The following TAFA2 variants were observed in gnomAD, a reference collection of about 807,000 sequenced individuals.
TAFA2 encodes TAFA chemokine like family member 2.
In TAFA2, 7 loss-of-function variants were observed where a neutral mutation model predicts 18.8. That is an observed-to-expected ratio of 0.37 (90% confidence interval 0.21 to 0.70). The LOEUF is 0.70. Among genes scored for constraint, TAFA2 ranks in the 30% least tolerant of loss-of-function variants. The pLI is 0.53. For synonymous variants in TAFA2, 60 were observed against 54.2 expected (o/e 1.11, Z -0.47); for missense variants, 122 against 158.1 (o/e 0.77, Z 1.23).
chr12:61,766,783 T>A lies in TAFA2; in HGVS notation c.107-11759A>T, dbSNP rs577167738. On this transcript the variant is annotated intron_variant, in intron 2 of 4. Transcript: ENST00000416284. ...GAAATAAAAACAGTAAATTTAACAT[T>A]TTTTTTCCAGTCCAGGCTTAGATAA... 5.9e-5 allele frequency among the ~76,000 whole-genome samples: 9 copies of A among 152,036 alleles called. No individual in the cohort carries two copies. In the East Asian group the frequency reaches 1.7e-3, roughly 30 times the overall value.
intron 1 of TAFA2, among the ~76,000 whole-genome samples, chr12:62,238,635 C>T (rs1312216357): frequency 6.6e-6 from 1 of 152,142 alleles, no homozygotes; most frequent in African/African-American, 2.4e-5. Context: ...TAATTGAAAC[C>T]TTCAATTTAT....
At chr12:61,718,195 C>A (rs372455400) in intron 4 of TAFA2, among the ~76,000 whole-genome samples, 6 of 152,228 alleles carry the variant, frequency 3.9e-5, no homozygotes, top group African/African-American at 1.4e-4. Flanking sequence ...GATGGACCTG[C>A]GCTGTTTCTT....
intron 1 of TAFA2, among the ~76,000 whole-genome samples, chr12:62,183,870 CG>C (rs2062567370): frequency 6.6e-6 from 1 of 152,074 alleles, no homozygotes; most frequent in South Asian, 2.1e-4. Flanking sequence ...CCTAGTTGAT[CG>C]AACTAATTTT....
At chr12:62,228,074 TAC>T (rs1339588271) in intron 1 of TAFA2, among the ~76,000 whole-genome samples, 1 of 152,190 alleles carries the variant, frequency 6.6e-6, no homozygotes, top group Non-Finnish European at 1.5e-5. Flanking sequence ...CGTGTGTACA[TAC>T]ACACACACTT....
intron 1 of TAFA2, among the ~76,000 whole-genome samples, chr12:62,102,904 T>C (rs1401773211): frequency 3.9e-5 from 6 of 152,212 alleles, no homozygotes; most frequent in Admixed American, 6.5e-5. Flanking sequence ...TTTGTATCTG[T>C]CTTATCAGCA....
At chr12:62,175,882 ATT>A (rs10531650) in intron 1 of TAFA2, among the ~76,000 whole-genome samples, 137,783 of 150,898 alleles carry the variant, frequency 0.91, 62,942 homozygotes, top group Middle Eastern at 0.95. Flanking sequence ...ATATATATAT[ATT>A]AAATTACAAG....
chr12:62,037,899 C>T (rs905599971), intron 1 of TAFA2, among the ~76,000 whole-genome samples: 10 of 152,070 alleles, frequency 6.6e-5, no homozygotes, highest in Non-Finnish European at 1.3e-4. Flanking sequence ...CCTTTATGCC[C>T]AAACCAGTTG....
At chr12:62,065,138 A>T (rs978156683) in intron 1 of TAFA2, among the ~76,000 whole-genome samples, 1 of 152,054 alleles carries the variant, frequency 6.6e-6, no homozygotes, top group South Asian at 2.1e-4. Context: ...TCCAAAAACC[A>T]GTCATAGTAC....
chr12:61,735,892 A>T (rs539553270), intron 4 of TAFA2, among the ~76,000 whole-genome samples: 2 of 152,100 alleles, frequency 1.3e-5, no homozygotes, highest in East Asian at 3.9e-4. Context: ...CTGGGGCCAT[A>T]ATCTTTCCAG....
At chr12:61,804,474 A>G (rs531915456) in intron 2 of TAFA2, among the ~76,000 whole-genome samples, 2 of 152,180 alleles carry the variant, frequency 1.3e-5, no homozygotes, top group African/African-American at 4.8e-5. Context: ...GAGTACTTCA[A>G]CTAGCTCCTA....
At chr12:62,108,142 C>A (rs1017631077) in intron 1 of TAFA2, among the ~76,000 whole-genome samples, 5 of 152,092 alleles carry the variant, frequency 3.3e-5, no homozygotes, top group African/African-American at 1.2e-4. Flanking sequence ...CCTCTAGTCC[C>A]CCACCCCCCA....
intron 1 of TAFA2, among the ~76,000 whole-genome samples, chr12:62,002,153 A>C (rs11174274): frequency 0.2 from 30,851 of 152,078 alleles, 3,233 homozygotes; most frequent in Admixed American, 0.24. Context: ...GTAGTGGCTT[A>C]TGTTTCACTG....
At chr12:62,109,774 CTGTT>C (rs1416069486) in intron 1 of TAFA2, among the ~76,000 whole-genome samples, 2 of 152,118 alleles carry the variant, frequency 1.3e-5, no homozygotes, top group African/African-American at 2.4e-5. Flanking sequence ...ATTTGGCTCT[CTGTT>C]TGTCTGTTAA....
At chr12:62,012,464 G>A (rs1021021381) in intron 1 of TAFA2, among the ~76,000 whole-genome samples, 1 of 148,890 alleles carries the variant, frequency 6.7e-6, no homozygotes, top group Non-Finnish European at 1.5e-5. Context: ...CAGATGCTTT[G>A]TGAAGGTACA....
chr12:62,080,554 G>A (rs749257200), intron 1 of TAFA2, among the ~76,000 whole-genome samples: 2 of 152,050 alleles, frequency 1.3e-5, no homozygotes, highest in Non-Finnish European at 2.9e-5. Context: ...CATAGACATG[G>A]GAATGAATGT....
At chr12:61,789,093 G>T (rs1870865166) in intron 2 of TAFA2, among the ~76,000 whole-genome samples, 2 of 151,848 alleles carry the variant, frequency 1.3e-5, no homozygotes, top group Non-Finnish European at 2.9e-5. Context: ...TCTGTAGGCT[G>T]CCTGTTCACT....
At chr12:62,228,190 C>T (rs999435875) in intron 1 of TAFA2, among the ~76,000 whole-genome samples, 2 of 152,178 alleles carry the variant, frequency 1.3e-5, no homozygotes, top group Admixed American at 6.5e-5. Context: ...CTTCCTCCCT[C>T]CCCACACTTG....
At position 62,035,733 on chromosome 12, in the gene TAFA2, C is replaced by CTTTTTTT. The variant is rs34859628; in HGVS notation, c.-2+155519_-2+155525dup. 5.0e-4 allele frequency among the ~76,000 whole-genome samples: 30 copies of CTTTTTTT among 60,232 alleles called. 1 individual carries two copies. Among genetic ancestry groups the CTTTTTTT allele is most frequent in the African/African-American group, 1.6e-3 (21 of 13,256 alleles). 39.5% of individuals were successfully genotyped at this position (60,232 alleles called of 152,430 possible). On this transcript the variant is annotated intron_variant, in intron 1 of 4. Transcript: ENST00000416284. Reference sequence around the variant, plus strand: ...TGACGCTAGGGGTCAATGATTCTTTCTTTTTTTTTTTTTTTTTTTTTTTTT... The same window carrying CTTTTTTT: ...TGACGCTAGGGGTCAATGATTCTTTCTTTTTTTTTTTTTTTTTTTTTTTTTTTTTTTT...
Position 62,006,407 on chromosome 12 carries a change from C to T in TAFA2, c.-1-138981G>A, listed in dbSNP as rs572126396. Among the ~76,000 whole-genome samples, 52 of 151,810 alleles carry T rather than the reference C, an allele frequency of 3.4e-4. No homozygotes were observed. In the South Asian group the frequency reaches 9.2e-3, roughly 27 times the overall value. The stretch of plus-strand genomic sequence containing the variant: ...TGGATAGCAGATGTATCTAAAGATC[C>T]GAAATAGAGTAGCCTACAAATGATT... On this transcript the variant is annotated intron_variant, in intron 1 of 4. Transcript: ENST00000416284.
Sources: allele counts gnomAD v4.1 joint callset (sites outside exome capture counted in the v4.1 genomes callset), GRCh38; gene constraint gnomAD v4.1.1; transcripts MANE v1.5; gene names NCBI Gene and HGNC (gene_info 2026-07-23, HGNC 2026-07-21).